PTPRD: variants seen among roughly 807,000 people sequenced by gnomAD.
PTPRD encodes the protein protein tyrosine phosphatase receptor type D.
PTPRD carries 34 observed loss-of-function variants against 214.5 expected under a neutral mutation model. The observed-to-expected ratio is 0.16, with a 90% CI of 0.12 to 0.21. The LOEUF is 0.21. Among genes scored for constraint, PTPRD ranks in the 10% least tolerant of loss-of-function variants. PTPRD has a pLI of 1.00. For missense variants in PTPRD, 2,545 were observed against 2,398.7 expected (o/e 1.06, Z -1.27); for synonymous variants, 1,128 against 845.7 (o/e 1.33, Z -5.79).
At chr9:10,421,632 T>A (rs2098546685) in intron 2 of PTPRD, among the ~76,000 whole-genome samples, 1 of 151,898 alleles carries the variant, frequency 6.6e-6, no homozygotes, top group Admixed American at 6.6e-5. Flanking sequence ...TTGCATACCA[T>A]ATATCAAAAA....
chr9:10,110,466 C>G (rs962617164), intron 3 of PTPRD, among the ~76,000 whole-genome samples: 1 of 152,128 alleles, frequency 6.6e-6, no homozygotes, highest in Non-Finnish European at 1.5e-5. Flanking sequence ...AGCTGCCTTC[C>G]TCTCCCAACA....
chr9:9,461,481 A>G (rs2093651183), intron 8 of PTPRD, among the ~76,000 whole-genome samples: 1 of 152,138 alleles, frequency 6.6e-6, no homozygotes, highest in African/African-American at 2.4e-5. Context: ...GTAGATAAAG[A>G]AATGAGAGAA....
At chr9:9,015,897 G>A (rs999102775) in intron 11 of PTPRD, among the ~76,000 whole-genome samples, 3 of 152,076 alleles carry the variant, frequency 2.0e-5, no homozygotes, top group Non-Finnish European at 4.4e-5. Context: ...CACAAACTTT[G>A]TTGTTGTTAT....
chr9:10,483,054 A>C (rs1294750914), intron 2 of PTPRD, among the ~76,000 whole-genome samples: 1 of 152,176 alleles, frequency 6.6e-6, no homozygotes, highest in Non-Finnish European at 1.5e-5. Context: ...AGGCTATAGT[A>C]ACCAAACAGC....
intron 10 of PTPRD, among the ~76,000 whole-genome samples, chr9:9,106,608 T>C (rs111696564): frequency 0.018 from 1,041 of 57,776 alleles, 14 homozygotes; most frequent in African/African-American, 0.063. Context: ...CTATATTCCA[T>C]AGGCAAAAAA....
chr9:9,545,457 C>G (rs942023045), intron 8 of PTPRD, among the ~76,000 whole-genome samples: 1 of 151,792 alleles, frequency 6.6e-6, no homozygotes, highest in African/African-American at 2.4e-5. Flanking sequence ...TAAGATTCCT[C>G]CATGTTTTTA....
chr9:10,098,175 G>T (rs923165137), intron 3 of PTPRD, among the ~76,000 whole-genome samples: 1 of 151,726 alleles, frequency 6.6e-6, no homozygotes, highest in African/African-American at 2.4e-5. Context: ...AAAAAATGAT[G>T]AGTTCATGTC....
intron 12 of PTPRD, among the ~76,000 whole-genome samples, chr9:8,685,669 A>G (rs543637179): frequency 2.0e-5 from 3 of 152,144 alleles, no homozygotes; most frequent in Non-Finnish European, 4.4e-5. Flanking sequence ...CCAAACTAAC[A>G]CCATAGAGAA....
rs76622522 is a variant in PTPRD, at chr9:8,319,296, G to A, written c.5670+535C>T. 5.5e-3 allele frequency among the ~76,000 whole-genome samples: 842 copies of A among 152,060 alleles called. 10 individuals are homozygous for A. The highest frequency in any genetic ancestry group is 0.019 in the African/African-American group (790 of 41,460). ...CTATATCATAAACTCTTATTATTAC[G>A]AGAAATATCCAAATTTCCATATTAA... On this transcript the variant is annotated intron_variant, in intron 45 of 45. Transcript: ENST00000381196.
chr9:9,790,805 T>A (rs1270241920), intron 5 of PTPRD, among the ~76,000 whole-genome samples: 1 of 152,160 alleles, frequency 6.6e-6, no homozygotes, highest in African/African-American at 2.4e-5. Flanking sequence ...AGTAGTTGCC[T>A]AGAATGGGAC....
chr9:10,561,797 T>A (rs1431033631), intron 2 of PTPRD, among the ~76,000 whole-genome samples: 1 of 152,160 alleles, frequency 6.6e-6, no homozygotes, highest in Non-Finnish European at 1.5e-5. Context: ...CCATCAGCAC[T>A]TCAGCTGATT....
chr9:9,697,269 G>T (rs2097395825), intron 7 of PTPRD, among the ~76,000 whole-genome samples: 1 of 152,000 alleles, frequency 6.6e-6, no homozygotes, highest in African/African-American at 2.4e-5. Flanking sequence ...ACTTTTACAA[G>T]TGAACTTAAT....
At chr9:10,576,270 A>C (rs2069286085) in intron 2 of PTPRD, among the ~76,000 whole-genome samples, 1 of 152,244 alleles carries the variant, frequency 6.6e-6, no homozygotes, top group East Asian at 1.9e-4. Flanking sequence ...ATTGAGGAAA[A>C]GGATGCAAAT....
rs138470825 is a variant in PTPRD, at chr9:9,815,306, G to T, written c.-367-48455C>A. ...TCAATAAATGGTGCCTGGAAAACTGGATATTCACAGACAAAGGAATGAAAC... is the reference window on the plus strand; with the variant it reads ...TCAATAAATGGTGCCTGGAAAACTGTATATTCACAGACAAAGGAATGAAAC... On this transcript the variant is annotated intron_variant, in intron 5 of 45. Coordinates refer to ENST00000381196, the MANE Select transcript of PTPRD (RefSeq NM_002839.4). Among the ~76,000 whole-genome samples the T allele has an allele frequency of 7.4e-4, 113 of 152,082 alleles. 1 individual carries two copies. The highest frequency in any genetic ancestry group is 2.6e-3 in the African/African-American group (107 of 41,482).
At chr9:8,703,019 A>C (rs1191460399) in intron 12 of PTPRD, among the ~76,000 whole-genome samples, 2 of 152,230 alleles carry the variant, frequency 1.3e-5, no homozygotes, top group East Asian at 1.9e-4. Flanking sequence ...TTATTCATAA[A>C]GACAATTTCC....
intron 9 of PTPRD, among the ~76,000 whole-genome samples, chr9:9,188,206 T>C (rs1370766235): frequency 1.3e-5 from 2 of 152,132 alleles, no homozygotes; most frequent in Non-Finnish European, 2.9e-5. Context: ...ATTAAGGTTG[T>C]TGGCTACATT....
chr9:10,246,431 A>G (rs529519218), intron 3 of PTPRD, among the ~76,000 whole-genome samples: 2 of 152,188 alleles, frequency 1.3e-5, no homozygotes, highest in South Asian at 4.2e-4. Context: ...TGTAGTAGAG[A>G]TGGGTTTTCA....
intron 2 of PTPRD, among the ~76,000 whole-genome samples, chr9:10,591,366 G>A (rs778999737): frequency 1.3e-5 from 2 of 152,138 alleles, no homozygotes; most frequent in South Asian, 2.1e-4. Context: ...CTACTGGCAC[G>A]TGTTTTGAGA....
intron 12 of PTPRD, among the ~76,000 whole-genome samples, chr9:8,692,543 C>T (rs1014194266): frequency 3.9e-5 from 6 of 152,106 alleles, no homozygotes; most frequent in Non-Finnish European, 5.9e-5. Context: ...AAATAAAGAA[C>T]GTATTAGTGA....
Sources: gnomAD v4.1 joint callset for allele counts (sites outside exome capture counted in the v4.1 genomes callset) on GRCh38, gnomAD v4.1.1 for gene constraint, MANE v1.5 for transcripts, NCBI Gene and HGNC (gene_info 2026-07-23, HGNC 2026-07-21) for gene names.